NMBR: variants seen among roughly 807,000 people sequenced by gnomAD.
NMBR encodes neuromedin B receptor, also known as neuromedin-B receptor.
In NMBR, 16 loss-of-function variants were observed where a neutral mutation model predicts 20.5. The ratio of observed to expected loss-of-function variants is 0.78; its 90% confidence interval spans 0.53 to 1.19. The LOEUF (loss-of-function observed/expected upper bound fraction) is 1.19. Ranked by LOEUF, NMBR falls within the 50% of genes most tolerant of loss-of-function variation. NMBR has a pLI of 0.00. For missense variants in NMBR, 582 were observed against 499.1 expected (o/e 1.17, Z -1.58); for synonymous variants, 212 against 196.6 (o/e 1.08, Z -0.65).
At chr6:142,084,262 T>C (rs1206121711) in intron 2 of NMBR, among the ~76,000 whole-genome samples, 1 of 152,232 alleles carries the variant, frequency 6.6e-6, no homozygotes, top group Non-Finnish European at 1.5e-5. Flanking sequence ...TGATGTAATA[T>C]ACAAATAATA....
chr6:142,138,427 G>A lies in NMBR; in HGVS notation c.-664+8617C>T, dbSNP rs56202540. Among the ~76,000 whole-genome samples the A allele has an allele frequency of 4.6e-3, 694 of 152,054 alleles. 2 individuals carry two copies. Among genetic ancestry groups the A allele is most frequent in the African/African-American group, 0.016 (661 of 41,468 alleles). On this transcript the variant is annotated intron_variant, in intron 1 of 3. Transcript: ENST00000258042. Reference sequence around the variant, plus strand: ...TAACAAGTACTGCATTAAAAAATTCGTATAAAAAGATCATCAAGATTTAAT... The same window carrying A: ...TAACAAGTACTGCATTAAAAAATTCATATAAAAAGATCATCAAGATTTAAT...
At chr6:142,087,020 A>G (rs1169385764) in intron 2 of NMBR, among the ~76,000 whole-genome samples, 1 of 152,202 alleles carries the variant, frequency 6.6e-6, no homozygotes, top group African/African-American at 2.4e-5. Flanking sequence ...ATTTTAAAAG[A>G]TAATAGAAAT....
intron 1 of NMBR, among the ~76,000 whole-genome samples, chr6:142,129,638 T>A (rs1778103866): frequency 6.6e-6 from 1 of 152,086 alleles, no homozygotes; most frequent in Admixed American, 6.6e-5. Flanking sequence ...TGTTATTTAT[T>A]CTTCCCTGAA....
chr6:142,105,134 G>A (rs999943318), intron 1 of NMBR, among the ~76,000 whole-genome samples: 7 of 149,176 alleles, frequency 4.7e-5, no homozygotes, highest in Admixed American at 1.3e-4. Context: ...GTACATTATC[G>A]AAAGGGCGGG....
chr6:142,091,068 T>C (rs1777312044), intron 1 of NMBR, among the ~76,000 whole-genome samples: 1 of 152,182 alleles, frequency 6.6e-6, no homozygotes, highest in African/African-American at 2.4e-5. Context: ...ATAATGAATA[T>C]TTTAATAATT....
intron 1 of NMBR, among the ~76,000 whole-genome samples, chr6:142,108,709 T>C (rs573713310): frequency 2.0e-5 from 3 of 152,274 alleles, no homozygotes; most frequent in East Asian, 1.9e-4. Context: ...AGATGAGATC[T>C]GGATGGGGAC....
Position 142,075,740 on chromosome 6 carries a change from G to C in NMBR, c.1081C>G (p.Arg361Gly), listed in dbSNP as rs758915165. ...GCATTGCTTTTCAGAGATGTCATACGCACCGCTGAAGAGCTGAGTAGGTAG... is the reference window on the plus strand; with the variant it reads ...GCATTGCTTTTCAGAGATGTCATACCCACCGCTGAAGAGCTGAGTAGGTAG... ...TSYLLSSSAVRMTSLKSNAKN... is the reference protein window; with the variant it reads ...TSYLLSSSAVGMTSLKSNAKN... Residue 361 changes from arginine (R) to glycine (G), a missense_variant, in exon 4 of 4, where the codon CGT becomes GGT. Arg to Gly is a moderately radical substitution (Grantham distance 125). Transcript: ENST00000258042. 6.2e-7 allele frequency: 1 copy of C among 1,613,760 alleles called. No homozygotes were observed. Among genetic ancestry groups the C allele is most frequent in the African/African-American group, 1.3e-5 (1 of 74,890 alleles).
chr6:142,088,440 G>A lies in NMBR; in HGVS notation c.219C>T (p.Ala73=), dbSNP rs1777243038. The A allele has an allele frequency of 1.9e-6, 3 of 1,613,898 alleles. No individual in the cohort carries two copies. In the African/African-American group the frequency reaches 4.0e-5, roughly 22 times the overall value. Reference sequence around the variant, plus strand: ...TGAAGATGTTGGGGACGCTCCTCATGGCGCTGTTGGTGATGAAGATCTTCA... The same window carrying A: ...TGAAGATGTTGGGGACGCTCCTCATAGCGCTGTTGGTGATGAAGATCTTCA... ...MLVKIFITNS[A]MRSVPNIFIS... Residue 73 remains alanine (A), a synonymous_variant, in exon 2 of 4, where the codon GCC becomes GCT. Transcript: ENST00000258042.
At chr6:142,082,908 G>C (rs1317392152) in intron 2 of NMBR, among the ~76,000 whole-genome samples, 3 of 152,108 alleles carry the variant, frequency 2.0e-5, no homozygotes, top group African/African-American at 7.2e-5. Flanking sequence ...GGATGTAATG[G>C]ATACATGGTT....
intron 1 of NMBR, among the ~76,000 whole-genome samples, chr6:142,124,837 T>G (rs954342025): frequency 6.6e-6 from 1 of 151,920 alleles, no homozygotes; most frequent in Non-Finnish European, 1.5e-5. Context: ...CTTCTAAGTA[T>G]GGTTATAAGA....
intron 2 of NMBR, among the ~76,000 whole-genome samples, chr6:142,082,873 T>A (rs1243188843): frequency 6.6e-6 from 1 of 152,222 alleles, no homozygotes; most frequent in Non-Finnish European, 1.5e-5. Context: ...TGCTGTTTTA[T>A]CCTTTTTCTC....
intron 1 of NMBR, among the ~76,000 whole-genome samples, chr6:142,118,443 A>T (rs1777888817): frequency 6.6e-6 from 1 of 152,014 alleles, no homozygotes; most frequent in African/African-American, 2.4e-5. Context: ...TAATTGAAGA[A>T]TCACACTTAT....
At position 142,088,500 on chromosome 6, in the gene NMBR, G is replaced by C. The variant is rs768476875; in HGVS notation, c.159C>G (p.Ile53Met). 2 of 1,614,110 alleles carry C rather than the reference G, an allele frequency of 1.2e-6. No homozygotes were observed. The highest frequency in any genetic ancestry group is 8.5e-7 in the Non-Finnish European group (1 of 1,180,008). The change falls in exon 2 of 4, where the codon ATC (isoleucine) becomes ATG (methionine). Residue 53 changes from isoleucine (I) to methionine (M), a missense_variant. Ile to Met is a conservative substitution (Grantham distance 10, BLOSUM62 1). Transcript: ENST00000258042. Reference protein sequence around the residue: ...RCVIPSLYLLIITVGLLGNIM... With the variant: ...RCVIPSLYLLMITVGLLGNIM... ...TGTTGCCCAGCAAGCCCACGGTGAT[G>C]ATGAGCAGGTAGAGGGACGGGATCA...
intron 1 of NMBR, among the ~76,000 whole-genome samples, chr6:142,095,516 G>C (rs1777432706): frequency 1.3e-5 from 2 of 152,166 alleles, no homozygotes; most frequent in Non-Finnish European, 2.9e-5. Flanking sequence ...CTTGATCATG[G>C]TGGATAAGCT....
chr6:142,129,023 T>G (rs114349423), intron 1 of NMBR, among the ~76,000 whole-genome samples: 2,404 of 149,790 alleles, frequency 0.016, 72 homozygotes, highest in African/African-American at 0.056. Flanking sequence ...ATGCATTAAT[T>G]TGCATGTGTT....
At chr6:142,079,050 AAGAG>A (rs1400277559) in intron 2 of NMBR, 147 bp from the exon 3 acceptor site, 4 of 444,392 alleles carry the variant, frequency 9.0e-6, no homozygotes, top group African/African-American at 4.2e-5. Flanking sequence ...GAGAGAAAGA[AAGAG>A]AGAAAGAGAG....
At chr6:142,100,518 A>C (rs1777539771) in intron 1 of NMBR, among the ~76,000 whole-genome samples, 2 of 152,350 alleles carry the variant, frequency 1.3e-5, no homozygotes, top group African/African-American at 4.8e-5. Context: ...AACTACAGAG[A>C]CAGTAAAATG....
At chr6:142,080,649 A>C (rs540778719) in intron 2 of NMBR, among the ~76,000 whole-genome samples, 1 of 152,104 alleles carries the variant, frequency 6.6e-6, no homozygotes, top group Non-Finnish European at 1.5e-5. Context: ...CAAAAATAAA[A>C]ATTTAATCTC....
chr6:142,096,802 A>T (rs559783719), intron 1 of NMBR, among the ~76,000 whole-genome samples: 2 of 151,880 alleles, frequency 1.3e-5, no homozygotes, highest in South Asian at 4.2e-4. Context: ...ATTGTGTGGG[A>T]GTCTAAGTCT....
Sources: allele counts gnomAD v4.1 joint callset (sites outside exome capture counted in the v4.1 genomes callset), GRCh38; gene constraint gnomAD v4.1.1; transcripts MANE v1.5; gene names NCBI Gene and HGNC (gene_info 2026-07-23, HGNC 2026-07-21).